Variants in GDPD4 observed in about 807,000 individuals in gnomAD.
GDPD4 encodes the protein glycerophosphodiester phosphodiesterase domain containing 4.
GDPD4 carries 60 observed loss-of-function variants against 67.8 expected under a neutral mutation model. The observed-to-expected ratio is 0.88, with a 90% CI of 0.72 to 1.10. The LOEUF (loss-of-function observed/expected upper bound fraction) is 1.10. Ranked by LOEUF, GDPD4 falls within the 50% of genes least tolerant of loss-of-function variation. GDPD4 has a pLI of 0.00. For missense variants in GDPD4, 623 were observed against 613.9 expected (o/e 1.01, Z -0.16); for synonymous variants, 212 against 210.9 (o/e 1.00, Z -0.04).
intron 16 of GDPD4, among the ~76,000 whole-genome samples, chr11:77,227,567 A>G (rs1417785065): frequency 6.6e-6 from 1 of 152,246 alleles, no homozygotes; most frequent in Non-Finnish European, 1.5e-5. Context: ...TGCCTTGCAC[A>G]AAGTGTGGAC....
intron 1 of GDPD4, among the ~76,000 whole-genome samples, chr11:77,297,066 A>C (rs1388881609): frequency 7.1e-6 from 1 of 140,024 alleles, no homozygotes; most frequent in Non-Finnish European, 1.5e-5. Flanking sequence ...AAAACAAAAA[A>C]AAAAAAACAA....
chr11:77,258,374 A>G lies in GDPD4; in HGVS notation c.864+12T>C, dbSNP rs1377340565. 6.2e-7 allele frequency: 1 copy of G among 1,613,214 alleles called. No homozygotes were observed. Among genetic ancestry groups the G allele is most frequent in the Non-Finnish European group, 8.5e-7 (1 of 1,179,336 alleles). ...TCAATGCAGGTTTGTGGAACTTGGGAATGTGTCTTACCTCTGGTTTTACAA... is the reference window on the plus strand; with the variant it reads ...TCAATGCAGGTTTGTGGAACTTGGGGATGTGTCTTACCTCTGGTTTTACAA... On this transcript the variant is annotated intron_variant, in intron 11 of 16. Coordinates refer to ENST00000315938, the MANE Select transcript of GDPD4 (RefSeq NM_182833.3).
rs1315674163 is a variant in GDPD4 at position 77,233,080 on chromosome 11, A to T, written c.1334T>A (p.Val445Glu). The change falls in exon 14 of 17, where the codon GTG becomes GAG. Residue 445 changes from valine to glutamate, a missense_variant. Val to Glu is a moderately radical substitution (Grantham distance 121). Coordinates refer to ENST00000315938, the MANE Select transcript of GDPD4 (RefSeq NM_182833.3). ...SLAWCSRINS[V>E]TTDNIGLLSQ... is the part of the protein sequence containing the mutation. ...CAGGAGCCCAATGTTGTCTGTGGTC[A>T]CTGAGTTAATCCTGGAGCACCAGGC... is the stretch of plus-strand genomic sequence containing the variant. The T allele has an allele frequency of 1.9e-6, 3 of 1,614,096 alleles. No individual in the cohort carries two copies. The Middle Eastern group carries it at 5.0e-4, about 266-fold the overall frequency.
At chr11:77,231,217 C>G (rs1010168910) in intron 14 of GDPD4, among the ~76,000 whole-genome samples, 2 of 152,150 alleles carry the variant, frequency 1.3e-5, no homozygotes, top group South Asian at 4.2e-4. Flanking sequence ...TAAATGATTC[C>G]TCACTTTAAT....
At chr11:77,241,813 G>A (rs756049286) in intron 13 of GDPD4, among the ~76,000 whole-genome samples, 16 of 151,838 alleles carry the variant, frequency 1.1e-4, no homozygotes, top group Non-Finnish European at 1.9e-4. Context: ...GCATGGTGGC[G>A]TGCACCTGTA....
At chr11:77,264,044 A>T (rs973853646) in intron 10 of GDPD4, among the ~76,000 whole-genome samples, 14 of 152,122 alleles carry the variant, frequency 9.2e-5, no homozygotes, top group African/African-American at 3.4e-4. Flanking sequence ...GTGTTTCTGC[A>T]ATCCCCAGAA....
rs763228399 is a variant in GDPD4 at position 77,258,409 on chromosome 11, C to T, written c.841G>A (p.Gly281Ser). The stretch of plus-strand genomic sequence containing the variant: ...ACCTCTGGTTTTACAAACCATTTGC[C>T]TGCATTCAGAGTCGATAGGAAATCC... ...NWDFLSTLNA[G>S]KWFVKPELRP... Residue 281 changes from glycine to serine, a missense_variant, in exon 11 of 17, where the codon GGC (glycine) becomes AGC (serine). By Grantham distance (56) the Gly-to-Ser change is moderately conservative. Coordinates refer to ENST00000315938, the MANE Select transcript of GDPD4 (RefSeq NM_182833.3). 2 of 1,613,992 alleles carry T rather than the reference C, an allele frequency of 1.2e-6. No individual in the cohort carries two copies. The highest frequency in any genetic ancestry group is 2.7e-5 in the African/African-American group (2 of 74,922).
At chr11:77,277,642 CTTCT>C (rs998688778) in intron 4 of GDPD4, among the ~76,000 whole-genome samples, 14 of 151,742 alleles carry the variant, frequency 9.2e-5, no homozygotes, top group African/African-American at 3.4e-4. Flanking sequence ...TCTCTCTTTT[CTTCT>C]TTATTAGTCT....
intron 13 of GDPD4, among the ~76,000 whole-genome samples, chr11:77,237,242 C>T (rs1013299378): frequency 1.6e-4 from 25 of 152,264 alleles, no homozygotes; most frequent in African/African-American, 5.5e-4. Context: ...AAGATACCTG[C>T]ACAGCCACAA....
chr11:77,238,952 A>G (rs1178531333), intron 13 of GDPD4, among the ~76,000 whole-genome samples: 1 of 152,228 alleles, frequency 6.6e-6, no homozygotes, highest in Non-Finnish European at 1.5e-5. Flanking sequence ...TCCCAACACA[A>G]TACTAACAAA....
chr11:77,246,154 T>C (rs12363842), intron 11 of GDPD4, among the ~76,000 whole-genome samples: 29,328 of 152,122 alleles, frequency 0.19, 3,744 homozygotes, highest in Non-Finnish European at 0.27. Context: ...GGTGTGGAGA[T>C]ACATGCCTGT....
At position 77,258,528 on chromosome 11, in the gene GDPD4, G is replaced by A. The variant is rs116099947; in HGVS notation, c.722C>T (p.Pro241Leu). Residue 241 changes from proline (P) to leucine (L), a missense_variant, in exon 11 of 17, where the codon CCT (proline) becomes CTT (leucine). By Grantham distance (98) the Pro-to-Leu change is moderately conservative. Transcript: ENST00000315938. ...TDIHLSYDHV[P>L]FLMHDFDLKR... is the part of the protein sequence containing the mutation. ...CAGGTCAAAGTCATGCATGAGGAAA[G>A]GCACATGATCATAACTGAGGCAGAG... 953 of 1,613,890 alleles carry A rather than the reference G, an allele frequency of 5.9e-4. 9 individuals carry two copies. The African/African-American group carries it at 0.011, about 18-fold the overall frequency.
chr11:77,267,579 G>T (rs543645714), intron 10 of GDPD4, among the ~76,000 whole-genome samples: 1 of 152,108 alleles, frequency 6.6e-6, no homozygotes, highest in South Asian at 2.1e-4. Flanking sequence ...GTACTTATTT[G>T]CTATCTGTAT....
chr11:77,290,511 C>CTGAT lies in GDPD4; in HGVS notation c.-253-3095_-253-3092dup, dbSNP rs150072728. On this transcript the variant is annotated intron_variant, in intron 1 of 16. Transcript: ENST00000315938. The stretch of plus-strand genomic sequence containing the variant: ...TGGAAATTATTTTAACAACTTGGTC[C>CTGAT]TGATTGACCATTGGTCAATGAAGAA... Among the ~76,000 whole-genome samples the CTGAT allele has an allele frequency of 3.3e-3, 508 of 151,970 alleles. 5 individuals are homozygous for CTGAT. Among genetic ancestry groups the CTGAT allele is most frequent in the African/African-American group, 0.011 (471 of 41,454 alleles).
intron 3 of GDPD4, among the ~76,000 whole-genome samples, chr11:77,284,142 T>C (rs1959885121): frequency 6.6e-6 from 1 of 152,300 alleles, no homozygotes; most frequent in Admixed American, 6.5e-5. Context: ...TACTAGTTTA[T>C]AAAAACAAGA....
chr11:77,225,109 C>T (rs1377034899), intron 16 of GDPD4, among the ~76,000 whole-genome samples: 1 of 151,618 alleles, frequency 6.6e-6, no homozygotes, highest in African/African-American at 2.4e-5. Context: ...TGCCTCTAAA[C>T]AAGCAAAACA....
chr11:77,258,452 G>T lies in GDPD4; in HGVS notation c.798C>A (p.Asn266Lys). 4 of 1,614,148 alleles carry T rather than the reference G, an allele frequency of 2.5e-6. No individual in the cohort carries two copies. Among genetic ancestry groups the T allele is most frequent in the Non-Finnish European group, 3.4e-6 (4 of 1,179,968 alleles). Residue 266 changes from asparagine to lysine, a missense_variant, in exon 11 of 17, where the codon AAC becomes AAA. Asn to Lys is a moderately conservative substitution (Grantham distance 94, BLOSUM62 0). Coordinates refer to ENST00000315938, the MANE Select transcript of GDPD4 (RefSeq NM_182833.3). ...GGAAATCCCAGTTGAAGAAGGCAGG[G>T]TTCTCGCAGGCAGATTCTGGCTGAA... ...GEVQPESACE[N>K]PAFFNWDFLS...
At chr11:77,243,967 G>A (rs1271991919) in intron 12 of GDPD4, 119 bp from the exon 13 acceptor site, 1 of 670,920 alleles carries the variant, frequency 1.5e-6, no homozygotes, top group African/African-American at 1.8e-5. Context: ...AGAGTAGAGA[G>A]AGAGAGTCTA....
chr11:77,227,277 C>T (rs12287680), intron 16 of GDPD4, among the ~76,000 whole-genome samples: 57,372 of 152,074 alleles, frequency 0.38, 11,226 homozygotes, highest in African/African-American at 0.47. Context: ...CATCTCCTAA[C>T]TGCCAATATG....
Sources: allele counts gnomAD v4.1 joint callset (sites outside exome capture counted in the v4.1 genomes callset), GRCh38; gene constraint gnomAD v4.1.1; transcripts MANE v1.5; gene names NCBI Gene and HGNC (gene_info 2026-07-23, HGNC 2026-07-21).